PARD3B: variants seen among roughly 807,000 people sequenced by gnomAD.
PARD3B encodes the protein partitioning defective 3 homolog B.
In PARD3B, 103 loss-of-function variants were observed where a neutral mutation model predicts 130.2. That is an observed-to-expected ratio of 0.79 (90% CI 0.67 to 0.93). The LOEUF is 0.93. PARD3B is among the 40% of genes least tolerant of loss of function. The pLI is 0.00. For synonymous variants in PARD3B, 583 were observed against 553.2 expected (o/e 1.05, Z -0.76); for missense variants, 1,609 against 1,499.2 (o/e 1.07, Z -1.21).
intron 16 of PARD3B, among the ~76,000 whole-genome samples, chr2:205,279,070 CAAAAAAA>C (rs57717513): frequency 1.3e-4 from 5 of 38,868 alleles, no homozygotes; most frequent in East Asian, 1.1e-3. Context: ...GAATCTGTCT[CAAAAAAA>C]AAAAAAAAAA....
chr2:204,734,566 C>T (rs780617356), intron 2 of PARD3B, among the ~76,000 whole-genome samples: 4 of 152,118 alleles, frequency 2.6e-5, no homozygotes, highest in Non-Finnish European at 5.9e-5. Context: ...GAATTCTACT[C>T]AATACAGTGG....
intron 15 of PARD3B, among the ~76,000 whole-genome samples, chr2:205,217,892 A>T (rs1397385786): frequency 0.076 from 2,115 of 27,840 alleles, 310 homozygotes; most frequent in East Asian, 0.29. Flanking sequence ...ATATATATAT[A>T]TATTTTTTTT....
In PARD3B at chr2:205,193,472, A is replaced by T. The variant is rs1030538848; in HGVS notation, c.2140+152A>T. Reference sequence around the variant, plus strand: ...GGGATAATGGCCATCCCACCTTCCTATCTCTTCGCACATTTAATTGTAATT... The same window carrying T: ...GGGATAATGGCCATCCCACCTTCCTTTCTCTTCGCACATTTAATTGTAATT... On this transcript the variant is annotated intron_variant, in intron 15 of 22. Coordinates refer to ENST00000406610, the MANE Select transcript of PARD3B (RefSeq NM_001302769.2). The T allele has an allele frequency of 4.6e-5, 28 of 610,850 alleles. No individual in the cohort carries two copies. In the African/African-American group the frequency reaches 5.2e-4, roughly 11 times the overall value. The allele number at this position is 610,850 out of a possible 1,614,324, so 37.8% of individuals were successfully genotyped here.
intron 15 of PARD3B, among the ~76,000 whole-genome samples, chr2:205,234,409 T>G (rs1402932470): frequency 1.3e-5 from 2 of 152,188 alleles, no homozygotes; most frequent in African/African-American, 4.8e-5. Context: ...CACATTGATA[T>G]CAGAGAAAGT....
At position 204,778,071 on chromosome 2, in the gene PARD3B, T is replaced by G. The variant is rs556902447; in HGVS notation, c.222+91789T>G. 3.3e-5 allele frequency among the ~76,000 whole-genome samples: 5 copies of G among 151,768 alleles called. No individual in the cohort carries two copies. The South Asian group carries it at 6.2e-4, about 19-fold the overall frequency. ...TGTGGAACTGAGAGTCAGTTAAACT[T>G]CCTTTGTTTATAAATTATCCAATCT... On this transcript the variant is annotated intron_variant, in intron 2 of 22. Coordinates refer to ENST00000406610, the MANE Select transcript of PARD3B (RefSeq NM_001302769.2).
chr2:204,668,384 C>G (rs566598748), intron 1 of PARD3B, among the ~76,000 whole-genome samples: 1 of 152,196 alleles, frequency 6.6e-6, no homozygotes, highest in South Asian at 2.1e-4. Context: ...CTAGATTTTC[C>G]ATCTCTGTTT....
intron 2 of PARD3B, among the ~76,000 whole-genome samples, chr2:204,864,299 GACTTAGATTAAGATGTAA>G (rs1272882635): frequency 6.6e-6 from 1 of 152,082 alleles, no homozygotes; most frequent in Non-Finnish European, 1.5e-5. Context: ...ACAATAAATT[GACTTAGATTAAGATGTAA>G]ACTTCTTACC....
intron 4 of PARD3B, among the ~76,000 whole-genome samples, chr2:205,098,412 C>G (rs1393423539): frequency 6.6e-6 from 1 of 152,098 alleles, no homozygotes; most frequent in Non-Finnish European, 1.5e-5. Flanking sequence ...GAGGGAGATA[C>G]TTATTGATAG....
chr2:205,546,411 G>GA lies in PARD3B; in HGVS notation c.3181-6903dup, dbSNP rs1029645613. On this transcript the variant is annotated intron_variant, in intron 21 of 22. Transcript: ENST00000406610. ...TATATTTAGGTCACTACATTAAAAA[G>GA]AAAAAAAAAACCTGCATGATACCAA... Among the ~76,000 whole-genome samples, 66 of 146,388 alleles carry GA rather than the reference G, an allele frequency of 4.5e-4. 1 individual carries two copies. Among genetic ancestry groups the GA allele is most frequent in the South Asian group, 1.7e-3 (8 of 4,634 alleles).
At chr2:205,127,283 C>T (rs1184021306) in intron 10 of PARD3B, among the ~76,000 whole-genome samples, 3 of 120,692 alleles carry the variant, frequency 2.5e-5, no homozygotes, top group Admixed American at 1.0e-4. Context: ...GGCAACAGAA[C>T]GAGACTCTGT....
intron 1 of PARD3B, among the ~76,000 whole-genome samples, chr2:204,603,438 A>G (rs2033592326): frequency 6.6e-6 from 1 of 152,154 alleles, no homozygotes; most frequent in South Asian, 2.1e-4. Flanking sequence ...CTACTGGGGC[A>G]AGTTAAGTAC....
rs946373922 is a variant in PARD3B, at chr2:205,591,255, A to G, written c.3261-24201A>G. Among the ~76,000 whole-genome samples the G allele has an allele frequency of 6.6e-6, 1 of 152,198 alleles. No homozygotes were observed. Among genetic ancestry groups the G allele is most frequent in the Non-Finnish European group, 1.5e-5 (1 of 68,036 alleles). ...TATTTTGTATAAGTTTTTTCAATGA[A>G]CATAGTCCATACATTTTGGGAAAGT... On this transcript the variant is annotated intron_variant, in intron 22 of 22. Transcript: ENST00000406610. The surrounding 1 kb of genome is among the most constrained non-coding windows in gnomAD (Gnocchi z 4.2).
In PARD3B at chr2:205,284,991, CA is replaced by C. The variant is rs1436281928; in HGVS notation, c.2186-15538del. On this transcript the variant is annotated intron_variant, in intron 16 of 22. Transcript: ENST00000406610. ...AGTTGATTTTAAAATAAGCACAAAACAGTTTTTTTTTTTTTTTGTGGGAGTA... is the reference window on the plus strand; with the variant it reads ...AGTTGATTTTAAAATAAGCACAAAACGTTTTTTTTTTTTTTTGTGGGAGTA... Among the ~76,000 whole-genome samples the C allele has an allele frequency of 8.0e-4, 59 of 73,864 alleles. 2 individuals carry two copies. In the East Asian group the frequency reaches 0.015, roughly 19 times the overall value. The allele number at this position is 73,864 out of a possible 152,430, so 48.5% of individuals were successfully genotyped here.
chr2:205,612,194 A>C (rs982663449), intron 22 of PARD3B, among the ~76,000 whole-genome samples: 1 of 152,156 alleles, frequency 6.6e-6, no homozygotes, highest in Non-Finnish European at 1.5e-5. Flanking sequence ...TTTCTGTTGC[A>C]CAAGATGGAG....
intron 8 of PARD3B, among the ~76,000 whole-genome samples, 199 bp from the exon 9 acceptor site, chr2:205,124,128 C>T (rs1187856560): frequency 6.6e-6 from 1 of 152,322 alleles, no homozygotes; most frequent in South Asian, 2.1e-4. Flanking sequence ...CCTAAATTCA[C>T]TTTGATACTG....
chr2:205,161,998 A>G (rs1420251583), intron 11 of PARD3B, among the ~76,000 whole-genome samples: 1 of 151,590 alleles, frequency 6.6e-6, no homozygotes, highest in Non-Finnish European at 1.5e-5. Context: ...GAATACCTCG[A>G]CTCTAATTGA....
At chr2:204,778,034 C>A (rs571418787) in intron 2 of PARD3B, among the ~76,000 whole-genome samples, 2 of 151,914 alleles carry the variant, frequency 1.3e-5, no homozygotes, top group Admixed American at 6.6e-5. Context: ...TTTCCTGAGG[C>A]CTCCCTAGCC....
rs750988956 is a variant in PARD3B, at chr2:205,265,464, C to A, written c.2185+19642C>A. 6.6e-6 allele frequency among the ~76,000 whole-genome samples: 1 copy of A among 151,892 alleles called. No homozygotes were observed. The highest frequency in any genetic ancestry group is 1.5e-5 in the Non-Finnish European group (1 of 67,906). On this transcript the variant is annotated intron_variant, in intron 16 of 22. Transcript: ENST00000406610. The surrounding 1 kb of genome is among the most constrained non-coding windows in gnomAD (Gnocchi z 4.3). ...ATGTAATTTGGACATTGCTTTTCTG[C>A]CTACAAATGGGACGATTCCTGATAT...
At chr2:205,443,251 C>T (rs963639458) in intron 20 of PARD3B, among the ~76,000 whole-genome samples, 7 of 152,122 alleles carry the variant, frequency 4.6e-5, no homozygotes, top group African/African-American at 1.7e-4. Flanking sequence ...TAATAGTATC[C>T]GTAAGCAGGA....
Sources: allele counts gnomAD v4.1 joint callset (sites outside exome capture counted in the v4.1 genomes callset), GRCh38; gene constraint gnomAD v4.1.1; non-coding constraint Gnocchi (gnomAD v3.1); transcripts MANE v1.5; gene names NCBI Gene and HGNC (gene_info 2026-07-23, HGNC 2026-07-21).